KIAA1958: variants seen among roughly 807,000 people sequenced by gnomAD.
The protein encoded by KIAA1958 is KIAA1958.
KIAA1958 carries 14 observed loss-of-function variants against 47.2 expected under a neutral mutation model. The observed-to-expected ratio is 0.30, with a 90% CI of 0.20 to 0.46. The LOEUF (loss-of-function observed/expected upper bound fraction) is 0.46, where lower values mean the gene tolerates loss of function less well. Among genes scored for constraint, KIAA1958 ranks in the 20% least tolerant of loss-of-function variants. The probability of loss-of-function intolerance (pLI) is 1.00; values close to 1 mark genes in which losing one functional copy is unlikely to be tolerated. For missense variants in KIAA1958, 803 were observed against 909.2 expected, an observed-to-expected ratio of 0.88 and a Z score of 1.50; for synonymous variants, 354 against 353.3, an observed-to-expected ratio of 1.00 and a Z score of -0.02.
At chr9:112,560,400 A>C (rs1341263407) in intron 1 of KIAA1958, among the ~76,000 whole-genome samples, 1 of 151,814 alleles carries the variant, frequency 6.6e-6, no homozygotes, top group African/African-American at 2.4e-5. Flanking sequence ...AAGGGTCTCC[A>C]GCTGGTCTCA....
intron 2 of KIAA1958, among the ~76,000 whole-genome samples, chr9:112,592,127 A>AGGGTGGAGC (rs1835933744): frequency 1.3e-5 from 2 of 152,222 alleles, no homozygotes; most frequent in Non-Finnish European, 2.9e-5. Context: ...GGAATGAGTT[A>AGGGTGGAGC]GGGTGGAGCA....
At chr9:112,632,633 G>A (rs1836730281) in intron 2 of KIAA1958, among the ~76,000 whole-genome samples, 1 of 152,002 alleles carries the variant, frequency 6.6e-6, no homozygotes, top group Admixed American at 6.6e-5. Context: ...TATTTGTTCT[G>A]TGAATAATTG....
chr9:112,497,827 T>C (rs1011421656), intron 1 of KIAA1958, among the ~76,000 whole-genome samples: 7 of 152,192 alleles, frequency 4.6e-5, no homozygotes, highest in Admixed American at 2.6e-4. Context: ...TCTAACATAT[T>C]TGTATGATTA....
intron 1 of KIAA1958, among the ~76,000 whole-genome samples, chr9:112,516,836 C>T (rs1343386204): frequency 2.0e-5 from 3 of 152,128 alleles, no homozygotes; most frequent in Non-Finnish European, 4.4e-5. Context: ...TACCTCTGAA[C>T]CAGAACAGTT....
At chr9:112,519,185 C>G (rs1834494820) in intron 1 of KIAA1958, among the ~76,000 whole-genome samples, 2 of 152,162 alleles carry the variant, frequency 1.3e-5, no homozygotes. Context: ...TCAAGCAGTA[C>G]TCCCACCCTT....
intron 2 of KIAA1958, among the ~76,000 whole-genome samples, chr9:112,576,984 C>T (rs1225891341): frequency 6.6e-6 from 1 of 152,122 alleles, no homozygotes; most frequent in East Asian, 1.9e-4. Flanking sequence ...GTTCTTACTG[C>T]TCCACATTGT....
At chr9:112,523,869 C>T (rs1834595779) in intron 1 of KIAA1958, among the ~76,000 whole-genome samples, 1 of 152,126 alleles carries the variant, frequency 6.6e-6, no homozygotes, top group Admixed American at 6.5e-5. Context: ...ACTTTGGGGC[C>T]ATAGTTTCCC....
At chr9:112,497,148 A>T (rs1450103094) in intron 1 of KIAA1958, among the ~76,000 whole-genome samples, 1 of 152,142 alleles carries the variant, frequency 6.6e-6, no homozygotes. Flanking sequence ...CATATTGCAA[A>T]ATTATATTTA....
At chr9:112,639,025 C>T (rs1016024598) in intron 2 of KIAA1958, among the ~76,000 whole-genome samples, 2 of 152,140 alleles carry the variant, frequency 1.3e-5, no homozygotes, top group African/African-American at 4.8e-5. Flanking sequence ...AAGTTGCCAG[C>T]CTGATGTAGC....
intron 1 of KIAA1958, among the ~76,000 whole-genome samples, chr9:112,534,236 C>G (rs1003276035): frequency 6.6e-6 from 1 of 152,170 alleles, no homozygotes; most frequent in Non-Finnish European, 1.5e-5. Flanking sequence ...GCTGCATATC[C>G]ATGCGTATAT....
At chr9:112,487,269 T>A (rs1833873893) in intron 1 of KIAA1958, 151 bp downstream of exon 1, 1 of 159,236 alleles carries the variant, frequency 6.3e-6, no homozygotes, top group African/African-American at 2.4e-5. Context: ...CTTCCTTTTG[T>A]CTCCTCTCGG....
intron 1 of KIAA1958, among the ~76,000 whole-genome samples, chr9:112,569,184 T>G (rs1835487377): frequency 6.6e-6 from 1 of 152,194 alleles, no homozygotes; most frequent in South Asian, 2.1e-4. Flanking sequence ...TCTTGTATGA[T>G]TCCATATACA....
chr9:112,607,715 A>G (rs75470769), intron 2 of KIAA1958, among the ~76,000 whole-genome samples: 2,002 of 148,078 alleles, frequency 0.014, 53 homozygotes, highest in African/African-American at 0.046. Flanking sequence ...ATTGCCCCTC[A>G]TTGATAAAAA....
chr9:112,527,047 C>T (rs1261820292), intron 1 of KIAA1958, among the ~76,000 whole-genome samples: 1 of 152,144 alleles, frequency 6.6e-6, no homozygotes, highest in Non-Finnish European at 1.5e-5. Context: ...ATTGTTTGGG[C>T]ACTAAGACAC....
At chr9:112,616,636 G>A (rs940111733) in intron 2 of KIAA1958, among the ~76,000 whole-genome samples, 9 of 152,078 alleles carry the variant, frequency 5.9e-5, no homozygotes, top group African/African-American at 9.7e-5. Flanking sequence ...AATCAATAGC[G>A]TAGCCTGTTT....
chr9:112,561,796 A>G (rs1159808057), intron 1 of KIAA1958, among the ~76,000 whole-genome samples: 2 of 152,226 alleles, frequency 1.3e-5, no homozygotes, highest in African/African-American at 4.8e-5. Flanking sequence ...CAGAGGCTGC[A>G]GTGAGCCGAG....
chr9:112,519,635 A>G (rs561924133), intron 1 of KIAA1958, among the ~76,000 whole-genome samples: 1 of 152,310 alleles, frequency 6.6e-6, no homozygotes, highest in South Asian at 2.1e-4. Flanking sequence ...AGAACTAATA[A>G]TTATAGTGTA....
At chr9:112,630,089 G>T (rs1836682638) in intron 2 of KIAA1958, among the ~76,000 whole-genome samples, 1 of 152,068 alleles carries the variant, frequency 6.6e-6, no homozygotes, top group African/African-American at 2.4e-5. Context: ...ACTGAAGTTG[G>T]GGGGAAGCCC....
intron 1 of KIAA1958, among the ~76,000 whole-genome samples, chr9:112,522,042 G>A (rs1326733539): frequency 6.6e-6 from 1 of 151,922 alleles, no homozygotes; most frequent in Non-Finnish European, 1.5e-5. Flanking sequence ...TGCAATCTTG[G>A]CTCACTGCAA....
Sources: gnomAD v4.1 joint callset for allele counts (sites outside exome capture counted in the v4.1 genomes callset) on GRCh38, gnomAD v4.1.1 for gene constraint, MANE v1.5 for transcripts, NCBI Gene and HGNC (gene_info 2026-07-23, HGNC 2026-07-21) for gene names.